Variants in C8orf34 observed in about 807,000 individuals in gnomAD.
The protein encoded by C8orf34 is uncharacterized protein C8orf34.
In C8orf34, 65 loss-of-function variants were observed where a neutral mutation model predicts 68.3. That is an observed-to-expected ratio of 0.95 (90% CI 0.78 to 1.17). The LOEUF (loss-of-function observed/expected upper bound fraction) is 1.17, where lower values mean the gene tolerates loss of function less well. Among genes scored for constraint, C8orf34 ranks in the 50% most tolerant of loss-of-function variants. C8orf34 has a pLI of 0.00. For missense variants in C8orf34, 664 were observed against 655.4 expected (o/e 1.01, Z -0.14); for synonymous variants, 244 against 241.2 (o/e 1.01, Z -0.11).
At chr8:68,610,861 G>GTTTTGTTT (rs1817997050) in intron 7 of C8orf34, among the ~76,000 whole-genome samples, 2 of 120,474 alleles carry the variant, frequency 1.7e-5, no homozygotes, top group African/African-American at 3.5e-5. Context: ...TGAATCTTTG[G>GTTTTGTTT]TTTTTTTTTT....
At position 68,715,039 on chromosome 8, in the gene C8orf34, T is replaced by C. The variant is rs1821430976; in HGVS notation, c.1327+5960T>C. ...ATAAAGTGGGGAAGGGACACCCTAT[T>C]CAATAAATGGTGCTGGGATAATTGG... On this transcript the variant is annotated intron_variant, in intron 9 of 13. Transcript: ENST00000518698. 2.0e-5 allele frequency among the ~76,000 whole-genome samples: 3 copies of C among 152,118 alleles called. No homozygotes were observed. The South Asian group carries it at 6.2e-4, about 32-fold the overall frequency.
At chr8:68,421,480 G>A (rs949762358) in intron 1 of C8orf34, among the ~76,000 whole-genome samples, 1 of 152,166 alleles carries the variant, frequency 6.6e-6, no homozygotes, top group Non-Finnish European at 1.5e-5. Flanking sequence ...CTAGTGGCAA[G>A]CCCCAACTCC....
At chr8:68,465,871 C>T (rs1163119927) in intron 3 of C8orf34, among the ~76,000 whole-genome samples, 7 of 151,672 alleles carry the variant, frequency 4.6e-5, no homozygotes, top group Admixed American at 6.6e-5. Flanking sequence ...TTAATGGGTG[C>T]AGCACACCAA....
intron 8 of C8orf34, among the ~76,000 whole-genome samples, chr8:68,650,941 C>T (rs551515997): frequency 2.6e-5 from 4 of 152,280 alleles, no homozygotes; most frequent in African/African-American, 9.6e-5. Context: ...TTTACCAGGG[C>T]GAGCTTCCAG....
intron 12 of C8orf34, chr8:68,791,349 C>G (rs1823988575): frequency 6.1e-6 from 1 of 162,688 alleles, no homozygotes; most frequent in African/African-American, 2.4e-5. Context: ...GATATCTGCC[C>G]CCATGATCCA....
chr8:68,359,392 TG>T (rs1294546833), intron 1 of C8orf34, among the ~76,000 whole-genome samples: 1 of 152,214 alleles, frequency 6.6e-6, no homozygotes, highest in Non-Finnish European at 1.5e-5. Flanking sequence ...AGGCCCCTAC[TG>T]ACTCCTACAT....
intron 4 of C8orf34, among the ~76,000 whole-genome samples, chr8:68,469,932 T>TTGTGTG (rs34106520): frequency 1.1e-4 from 17 of 148,986 alleles, no homozygotes; most frequent in African/African-American, 3.7e-4. Context: ...ATTTGGTATT[T>TTGTGTG]TGTGTGTGTG....
rs190567014 is a variant in C8orf34 at position 68,584,078 on chromosome 8, C to T, written c.1105+50929C>T. On this transcript the variant is annotated intron_variant, in intron 7 of 13. Coordinates refer to ENST00000518698, the MANE Select transcript of C8orf34 (RefSeq NM_052958.4). ...ATGTAGAGTATTGAGGACAATTCCT[C>T]TCTAGCTGTGGGTTCACAGGTTATG... is the stretch of plus-strand genomic sequence containing the variant. Among the ~76,000 whole-genome samples, 143 of 152,256 alleles carry T rather than the reference C, an allele frequency of 9.4e-4. 1 individual carries two copies. The highest frequency in any genetic ancestry group is 6.3e-4 in the Non-Finnish European group (43 of 68,008).
At chr8:68,663,292 T>C (rs796288662) in intron 8 of C8orf34, among the ~76,000 whole-genome samples, 21 of 152,376 alleles carry the variant, frequency 1.4e-4, no homozygotes, top group African/African-American at 5.0e-4. Flanking sequence ...AGTGATTTGC[T>C]CATTTATCTG....
At chr8:68,551,716 C>A (rs536433341) in intron 7 of C8orf34, among the ~76,000 whole-genome samples, 102 of 152,038 alleles carry the variant, frequency 6.7e-4, no homozygotes, top group Non-Finnish European at 1.2e-3. Context: ...CTCATGATTG[C>A]ATCTCTGTCT....
At chr8:68,527,784 C>T (rs116730982) in intron 6 of C8orf34, among the ~76,000 whole-genome samples, 1,558 of 152,236 alleles carry the variant, frequency 0.01, 36 homozygotes, top group African/African-American at 0.034. Context: ...AGAGGGGCCT[C>T]GGAACCCTAA....
At chr8:68,717,510 A>G in intron 9 of C8orf34, among the ~76,000 whole-genome samples, 1 of 151,340 alleles carries the variant, frequency 6.6e-6, no homozygotes, top group South Asian at 2.1e-4. Context: ...AAAAAAAATG[A>G]CAAACACAAA....
chr8:68,516,180 A>C (rs1203379801), intron 5 of C8orf34, among the ~76,000 whole-genome samples: 1 of 152,224 alleles, frequency 6.6e-6, no homozygotes, highest in Non-Finnish European at 1.5e-5. Flanking sequence ...AAGCACATTA[A>C]TCAGTGTTGT....
At chr8:68,788,912 C>G (rs910252178) in intron 12 of C8orf34, among the ~76,000 whole-genome samples, 1 of 151,678 alleles carries the variant, frequency 6.6e-6, no homozygotes, top group South Asian at 2.1e-4. Flanking sequence ...GTACTTTAAG[C>G]AAGTACAAAA....
intron 8 of C8orf34, among the ~76,000 whole-genome samples, chr8:68,693,157 A>C (rs1021638049): frequency 2.0e-5 from 3 of 152,098 alleles, no homozygotes; most frequent in Non-Finnish European, 4.4e-5. Context: ...CTTGCTGTCT[A>C]TCTTAACGAT....
At chr8:68,705,660 CAAA>C (rs1363299544) in intron 8 of C8orf34, among the ~76,000 whole-genome samples, 3 of 150,278 alleles carry the variant, frequency 2.0e-5, no homozygotes, top group Non-Finnish European at 4.4e-5. Context: ...GAGTTTGGCT[CAAA>C]GAAGATTGAA....
At chr8:68,533,318 A>C in intron 7 of C8orf34, 169 bp downstream of exon 7, 1 of 1,376,048 alleles carries the variant, frequency 7.3e-7, no homozygotes, top group Non-Finnish European at 9.3e-7. Flanking sequence ...TGTAAGAACT[A>C]AATTGAAATA....
At chr8:68,381,496 G>T (rs570875928) in intron 1 of C8orf34, among the ~76,000 whole-genome samples, 1 of 151,982 alleles carries the variant, frequency 6.6e-6, no homozygotes, top group African/African-American at 2.4e-5. Context: ...ACTTTGGGAG[G>T]CCGAGGCGGG....
chr8:68,616,748 GAAAA>G (rs1332737101), intron 7 of C8orf34, among the ~76,000 whole-genome samples: 1 of 152,034 alleles, frequency 6.6e-6, no homozygotes, highest in Admixed American at 6.6e-5. Context: ...GTGTGGTGCT[GAAAA>G]AAATGTATAT....
Sources: gnomAD v4.1 joint callset for allele counts (sites outside exome capture counted in the v4.1 genomes callset) on GRCh38, gnomAD v4.1.1 for gene constraint, MANE v1.5 for transcripts, NCBI Gene and HGNC (gene_info 2026-07-23, HGNC 2026-07-21) for gene names.